PANX2: variants seen among roughly 807,000 people sequenced by gnomAD.
PANX2 encodes pannexin-2.
Under a neutral mutation model 38.7 loss-of-function variants are expected in PANX2, and 30 were observed. That is an observed-to-expected ratio of 0.78 (90% CI 0.58 to 1.05). The LOEUF (loss-of-function observed/expected upper bound fraction) is 1.05. PANX2 is among the 50% of genes least tolerant of loss of function. The pLI is 0.00. For synonymous variants in PANX2, 539 were observed against 472.1 expected, an observed-to-expected ratio of 1.14 and a Z score of -1.84; for missense variants, 880 against 979.3, an observed-to-expected ratio of 0.90 and a Z score of 1.35.
At chr22:50,175,205 C>T (rs1024911643) in intron 1 of PANX2, among the ~76,000 whole-genome samples, 9 of 152,108 alleles carry the variant, frequency 5.9e-5, no homozygotes, top group African/African-American at 1.9e-4. Context: ...ACACGTGGCT[C>T]GGTGTGGGGC....
In PANX2 at chr22:50,174,128, C is replaced by T. The variant is rs573246474; in HGVS notation, c.227-2811C>T. On this transcript the variant is annotated intron_variant, in intron 1 of 2. Coordinates refer to ENST00000395842, the MANE Select transcript of PANX2 (RefSeq NM_052839.4). ...GTGGCAGTGGTCTGGGGTGACCAGA[C>T]AGGGTTTGGCCAGCAGGCAGGAGGA... Among the ~76,000 whole-genome samples the T allele has an allele frequency of 7.2e-5, 11 of 152,262 alleles. 2 individuals are homozygous for T. In the South Asian group the frequency reaches 2.3e-3, roughly 32 times the overall value.
intron 1 of PANX2, among the ~76,000 whole-genome samples, chr22:50,174,467 G>A (rs546398849): frequency 6.6e-6 from 1 of 152,352 alleles, no homozygotes; most frequent in South Asian, 2.1e-4. Flanking sequence ...AGCAGCACCA[G>A]GCCCCTGGCT....
Position 50,178,038 on chromosome 22 carries a change from C to A in PANX2, c.1326C>A (p.Pro442=). The A allele has an allele frequency of 6.4e-7, 1 of 1,550,584 alleles. No homozygotes were observed. The highest frequency in any genetic ancestry group is 1.9e-5 in the Admixed American group (1 of 52,368). ...WIPTSNPLPQ[P]FKEPLAIMRV... The stretch of plus-strand genomic sequence containing the variant: ...CCACCAGCAACCCGCTTCCGCAGCC[C>A]TTCAAGGAGCCGCTGGCCATCATGC... Residue 442 remains proline (P), a synonymous_variant, in exon 2 of 3, where the codon CCC becomes CCA. Transcript: ENST00000395842.
At chr22:50,173,569 G>A (rs1381055459) in intron 1 of PANX2, among the ~76,000 whole-genome samples, 2 of 152,374 alleles carry the variant, frequency 1.3e-5, no homozygotes, top group South Asian at 2.1e-4. Flanking sequence ...GGCTGGGGAA[G>A]GGTCTCGGCC....
rs1346375544 is a variant in PANX2 at position 50,177,298 on chromosome 22, A to G, written c.586A>G (p.Ile196Val). 6.2e-7 allele frequency: 1 copy of G among 1,612,036 alleles called. No homozygotes were observed. Among genetic ancestry groups the G allele is most frequent in the African/African-American group, 1.3e-5 (1 of 75,026 alleles). Residue 196 changes from isoleucine to valine, a missense_variant, in exon 2 of 3, where the codon ATC becomes GTC. Transcript: ENST00000395842. ...CACGGAGCGCGAGAAGCGCGAGATC[A>G]TCGAGAACGCGGAGAAGGAGAAGAG... Reference protein sequence around the residue: ...GITEREKREIIENAEKEKSPE... With the variant: ...GITEREKREIVENAEKEKSPE...
At chr22:50,171,224 A>AG (rs1163537280) in intron 1 of PANX2, among the ~76,000 whole-genome samples, 2 of 152,096 alleles carry the variant, frequency 1.3e-5, no homozygotes, top group Non-Finnish European at 2.9e-5. Flanking sequence ...GTCTGGACCC[A>AG]GGGGTCCCAA....
At chr22:50,178,483 G>A (rs1021054020) in intron 2 of PANX2, 81 bp downstream of exon 2, 3 of 996,168 alleles carry the variant, frequency 3.0e-6, no homozygotes, top group Non-Finnish European at 4.1e-6. Context: ...ACGGGAGCCT[G>A]GCCAGGGCGC....
rs1436290232 is a variant in PANX2, at chr22:50,177,891, C to T, written c.1179C>T (p.Ala393=). The T allele has an allele frequency of 1.3e-6, 2 of 1,540,116 alleles. No homozygotes were observed. Among genetic ancestry groups the T allele is most frequent in the Non-Finnish European group, 8.7e-7 (1 of 1,147,512 alleles). The part of the protein sequence containing the change: ...LAALAQSNHD[A]TPTVRDSGVQ... ...CGCTGGCGCAGTCCAACCACGACGCCACCCCCACGGTGCGCGACTCGGGGG... is the reference window on the plus strand; with the variant it reads ...CGCTGGCGCAGTCCAACCACGACGCTACCCCCACGGTGCGCGACTCGGGGG... Residue 393 remains alanine (A), a synonymous_variant, in exon 2 of 3, where the codon GCC becomes GCT. Coordinates refer to ENST00000395842, the MANE Select transcript of PANX2 (RefSeq NM_052839.4).
intron 1 of PANX2, among the ~76,000 whole-genome samples, chr22:50,176,061 C>T (rs562769620): frequency 6.6e-6 from 1 of 152,294 alleles, no homozygotes; most frequent in Admixed American, 6.5e-5. Context: ...GTGTGAAGGG[C>T]TCAGCCTGAA....
chr22:50,174,517 T>G (rs1178159284), intron 1 of PANX2, among the ~76,000 whole-genome samples: 1 of 152,252 alleles, frequency 6.6e-6, no homozygotes. Context: ...GAGGGCTGGG[T>G]GTGGACAGGC....
Position 50,177,736 on chromosome 22 carries a change from T to A in PANX2, c.1024T>A (p.Cys342Ser). 1 of 1,609,748 alleles carries A rather than the reference T, an allele frequency of 6.2e-7. No individual in the cohort carries two copies. The highest frequency in any genetic ancestry group is 8.5e-7 in the Non-Finnish European group (1 of 1,179,602). Residue 342 changes from cysteine (C) to serine (S), a missense_variant, in exon 2 of 3, where the codon TGC becomes AGC. This residue lies in a region of PANX2 where 78 missense variants were observed against 133.1 expected (regional missense o/e 0.59). Transcript: ENST00000395842. The stretch of plus-strand genomic sequence containing the variant: ...CCGGCAGTGGCGCCGCTCGCAGTTC[T>A]GCGACATCAACATCCTGGCCATGTT... ...TRRQWRRSQFCDINILAMFCN... is the reference protein window; with the variant it reads ...TRRQWRRSQFSDINILAMFCN...
chr22:50,175,582 C>T, intron 1 of PANX2: 1 of 507,126 alleles, frequency 2.0e-6, no homozygotes, highest in Non-Finnish European at 3.2e-6. Context: ...CTCGATGTCC[C>T]CACCGAGGAC....
chr22:50,178,728 A>AT (rs2063680155), intron 2 of PANX2, among the ~76,000 whole-genome samples: 1 of 152,112 alleles, frequency 6.6e-6, no homozygotes, highest in African/African-American at 2.4e-5. Flanking sequence ...GGGTGAGGAA[A>AT]TTCCACCGAC....
At chr22:50,175,560 G>A (rs2063657006) in intron 1 of PANX2, 1 of 712,210 alleles carries the variant, frequency 1.4e-6, no homozygotes, top group East Asian at 8.1e-5. Flanking sequence ...TCTGAGCCCA[G>A]CTCATCTCCA....
At position 50,179,170 on chromosome 22, in the gene PANX2, C is replaced by A; in HGVS notation, c.1927C>A (p.Arg643Ser). The A allele has an allele frequency of 6.2e-7, 1 of 1,612,540 alleles. No individual in the cohort carries two copies. Among genetic ancestry groups the A allele is most frequent in the Non-Finnish European group, 8.5e-7 (1 of 1,179,866 alleles). ...CCGGGAGGAGGAGGACGGGGGCCCC[C>A]GCCTGCCGCAGGACGTGGGGGACCT... is the stretch of plus-strand genomic sequence containing the variant. ...EAREEEDGGP[R>S]LPQDVGDLIA... is the part of the protein sequence containing the mutation. Residue 643 changes from arginine (R) to serine (S), a missense_variant, in exon 3 of 3, where the codon CGC becomes AGC. By Grantham distance (110) the Arg-to-Ser change is moderately radical (BLOSUM62 -1). Coordinates refer to ENST00000395842, the MANE Select transcript of PANX2 (RefSeq NM_052839.4).
At position 50,177,411 on chromosome 22, in the gene PANX2, G is replaced by C. The variant is rs1198997215; in HGVS notation, c.699G>C (p.Leu233=). 4 of 1,608,830 alleles carry C rather than the reference G, an allele frequency of 2.5e-6. No homozygotes were observed. Among genetic ancestry groups the C allele is most frequent in the Non-Finnish European group, 3.4e-6 (4 of 1,178,292 alleles). The change falls in exon 2 of 3, where the codon CTG becomes CTC. Residue 233 remains leucine (L), a synonymous_variant. Coordinates refer to ENST00000395842, the MANE Select transcript of PANX2 (RefSeq NM_052839.4). ...LAKLYLARHV[L]ILLLSAVPIS... is the part of the protein sequence containing the mutation. ...AGCTGTACCTGGCGCGGCACGTGCTGATCCTGCTGCTGAGCGCCGTGCCCA... is the reference window on the plus strand; with the variant it reads ...AGCTGTACCTGGCGCGGCACGTGCTCATCCTGCTGCTGAGCGCCGTGCCCA...
intron 1 of PANX2, chr22:50,175,414 C>A: frequency 7.8e-7 from 1 of 1,289,642 alleles, no homozygotes; most frequent in Non-Finnish European, 1.0e-6. Context: ...ACAAACCTGT[C>A]CCTGTTCTCT....
intron 1 of PANX2, 65 bp from the exon 2 acceptor site, chr22:50,176,873 GC>G (rs1602400645): frequency 6.9e-7 from 1 of 1,440,872 alleles, no homozygotes; most frequent in Non-Finnish European, 9.1e-7. Context: ...GTCAGGTCCA[GC>G]CCGGTTTCTT....
In PANX2 at chr22:50,179,185, G is replaced by A. The variant is rs1385303361; in HGVS notation, c.1942G>A (p.Val648Met). The change falls in exon 3 of 3, where the codon GTG (valine) becomes ATG (methionine). Residue 648 changes from valine (V) to methionine (M), a missense_variant. Physicochemically the swap from Val to Met is conservative, Grantham distance 21. Coordinates refer to ENST00000395842, the MANE Select transcript of PANX2 (RefSeq NM_052839.4). ...CGGGGGCCCCCGCCTGCCGCAGGACGTGGGGGACCTCATCGCCATCCCTGC... is the reference window on the plus strand; with the variant it reads ...CGGGGGCCCCCGCCTGCCGCAGGACATGGGGGACCTCATCGCCATCCCTGC... ...EDGGPRLPQD[V>M]GDLIAIPAPQ... 1.9e-6 allele frequency: 3 copies of A among 1,612,700 alleles called. No homozygotes were observed. Among genetic ancestry groups the A allele is most frequent in the South Asian group, 2.2e-5 (2 of 91,082 alleles).
Sources: allele counts gnomAD v4.1 joint callset (sites outside exome capture counted in the v4.1 genomes callset), GRCh38; gene constraint gnomAD v4.1.1; regional missense constraint gnomAD v4.1.1; transcripts MANE v1.5; gene names NCBI Gene and HGNC (gene_info 2026-07-23, HGNC 2026-07-21).